Variants in MCCC1 observed in about 807,000 individuals in gnomAD.
The protein encoded by MCCC1 is methylcrotonoyl-CoA carboxylase subunit alpha, mitochondrial.
A neutral mutation model predicts 83.8 loss-of-function variants in MCCC1; 64 were observed. That is an observed-to-expected ratio of 0.76 (90% CI 0.62 to 0.94). The LOEUF is 0.94. MCCC1 is among the 40% of genes least tolerant of loss of function. The pLI is 0.00. For missense variants in MCCC1, 807 were observed against 904.7 expected, an observed-to-expected ratio of 0.89 and a Z score of 1.39; for synonymous variants, 322 against 315.4, an observed-to-expected ratio of 1.02 and a Z score of -0.22.
chr3:183,080,509 T>C (rs1372710055), intron 4 of MCCC1, among the ~76,000 whole-genome samples: 3 of 152,218 alleles, frequency 2.0e-5, no homozygotes, highest in Non-Finnish European at 2.9e-5. Context: ...TCCACATTAC[T>C]ATCAGCATTT....
chr3:183,052,525 T>G (rs1405700283), intron 8 of MCCC1, among the ~76,000 whole-genome samples: 1 of 152,158 alleles, frequency 6.6e-6, no homozygotes, highest in Non-Finnish European at 1.5e-5. Context: ...TATAGCACAA[T>G]CAGCCAGGTG....
upstream of MCCC1, among the ~76,000 whole-genome samples, chr3:183,103,250 G>A (rs1054192220): frequency 3.9e-5 from 6 of 152,202 alleles, no homozygotes; most frequent in Admixed American, 6.5e-5. Context: ...TGCAAAGAGC[G>A]AAAGAACAAA....
intron 4 of MCCC1, among the ~76,000 whole-genome samples, chr3:183,079,217 C>T (rs149970441): frequency 7.0e-4 from 107 of 152,328 alleles, no homozygotes; most frequent in African/African-American, 2.5e-3. Context: ...CTTATTTTAG[C>T]ATTAACTCAA....
intron 14 of MCCC1, among the ~76,000 whole-genome samples, chr3:183,026,303 A>C (rs1712595316): frequency 6.6e-6 from 1 of 152,192 alleles, no homozygotes; most frequent in Admixed American, 6.5e-5. Context: ...GGGCCTCCCA[A>C]AGTGCTAGAA....
At chr3:183,043,568 A>G (rs1466499877) in intron 10 of MCCC1, among the ~76,000 whole-genome samples, 2 of 152,234 alleles carry the variant, frequency 1.3e-5, no homozygotes, top group Admixed American at 1.3e-4. Context: ...CTGCACAGGC[A>G]GGTCCTCGAG....
chr3:183,057,513 G>T, intron 7 of MCCC1, 91 bp from the exon 8 acceptor site: 1 of 1,017,554 alleles, frequency 9.8e-7, no homozygotes, highest in Non-Finnish European at 1.5e-6. Context: ...CAATCACCAG[G>T]ATTTCTCCAT....
chr3:183,039,382 G>T (rs1437115089), intron 11 of MCCC1, among the ~76,000 whole-genome samples: 1 of 152,100 alleles, frequency 6.6e-6, no homozygotes, highest in Non-Finnish European at 1.5e-5. Context: ...ACACAAGCTG[G>T]CTTTCCCTGT....
chr3:183,034,664 T>C (rs779354012), intron 13 of MCCC1, among the ~76,000 whole-genome samples: 5 of 152,156 alleles, frequency 3.3e-5, no homozygotes, highest in Non-Finnish European at 5.9e-5. Flanking sequence ...TCACCACCTT[T>C]TGATGGGGCA....
upstream of MCCC1, among the ~76,000 whole-genome samples, chr3:183,102,789 TTTTTTTTTTTTTTTTG>T: frequency 8.8e-6 from 1 of 114,222 alleles, no homozygotes; most frequent in African/African-American, 3.7e-5. Context: ...TTTTTTTTTT[TTTTTTTTTTTTTTTTG>T]AGACGAAGTC....
chr3:183,058,368 C>T (rs930786795), intron 7 of MCCC1, among the ~76,000 whole-genome samples: 2 of 152,194 alleles, frequency 1.3e-5, no homozygotes, highest in Non-Finnish European at 1.5e-5. Flanking sequence ...TAAATCCCAG[C>T]ACTTTGGGAG....
upstream of MCCC1, among the ~76,000 whole-genome samples, chr3:183,100,438 C>T (rs1465278036): frequency 6.6e-6 from 1 of 152,180 alleles, no homozygotes. Flanking sequence ...TTCACCTTCA[C>T]CCCTAAAAGT....
At chr3:183,076,134 G>A (rs6789698) in intron 4 of MCCC1, among the ~76,000 whole-genome samples, 3,885 of 152,122 alleles carry the variant, frequency 0.026, 181 homozygotes, top group African/African-American at 0.09. Flanking sequence ...ACTACAATTG[G>A]ATCACTACAA....
At chr3:183,108,386 C>A (rs1473400339) in intron 1 of MCCC1, among the ~76,000 whole-genome samples, 1 of 152,138 alleles carries the variant, frequency 6.6e-6, no homozygotes, top group East Asian at 1.9e-4. Flanking sequence ...ATATCTGGAG[C>A]TACAAAATGT....
At chr3:183,105,349 TA>T (rs1250514137) in intron 1 of MCCC1, among the ~76,000 whole-genome samples, 1 of 150,868 alleles carries the variant, frequency 6.6e-6, no homozygotes, top group South Asian at 2.1e-4. Context: ...TGTCTCAAAA[TA>T]AAAAAAAGTA....
chr3:183,101,619 G>C (rs1719306679), upstream of MCCC1, among the ~76,000 whole-genome samples: 1 of 152,120 alleles, frequency 6.6e-6, no homozygotes, highest in Admixed American at 6.6e-5. Flanking sequence ...ACAGGCCACT[G>C]GGCTCTACCA....
rs10692178 is a variant in MCCC1, at chr3:183,071,718, T to TTTAA, written c.492-362_492-361insTTAA. Among the ~76,000 whole-genome samples, 105 of 149,894 alleles carry TTTAA rather than the reference T, an allele frequency of 7.0e-4. 1 individual carries two copies. In the South Asian group the frequency reaches 7.4e-3, roughly 11 times the overall value. On this transcript the variant is annotated intron_variant, in intron 5 of 18. Transcript: ENST00000265594. ...AAACAAACTATTTCTTTTTTTTTTT[T>TTTAA]AGAGACAGGGTCTCACAATGTTGCC...
At chr3:183,094,729 T>A in intron 1 of MCCC1, 124 bp from the exon 2 acceptor site, 1 of 918,462 alleles carries the variant, frequency 1.1e-6, no homozygotes, top group Non-Finnish European at 1.8e-6. Flanking sequence ...TTAGTAAGAC[T>A]TTCTTAGTGG....
In MCCC1 at chr3:183,043,005, C is replaced by T. The variant is rs1278768406; in HGVS notation, c.1084-1255G>A. The stretch of plus-strand genomic sequence containing the variant: ...TTTTTTAACGTTTTAATAAATAATT[C>T]TGGGTCAGGTGTGGTGGCTCATGCC... On this transcript the variant is annotated intron_variant, in intron 10 of 18. Coordinates refer to ENST00000265594, the MANE Select transcript of MCCC1 (RefSeq NM_020166.5). Among the ~76,000 whole-genome samples the T allele has an allele frequency of 2.6e-5, 4 of 152,266 alleles. No individual in the cohort carries two copies. In the East Asian group the frequency reaches 7.7e-4, roughly 29 times the overall value.
chr3:183,113,335 G>T (rs577481995), intron 1 of MCCC1, among the ~76,000 whole-genome samples: 1 of 146,566 alleles, frequency 6.8e-6, no homozygotes, highest in African/African-American at 2.5e-5. Flanking sequence ...ACCAAACACC[G>T]CTGTTCTCAC....
Sources: allele counts gnomAD v4.1 joint callset (sites outside exome capture counted in the v4.1 genomes callset), GRCh38; gene constraint gnomAD v4.1.1; transcripts MANE v1.5; gene names NCBI Gene and HGNC (gene_info 2026-07-23, HGNC 2026-07-21).